Variants in DCTN3 observed in about 807,000 individuals in gnomAD.
The protein encoded by DCTN3 is dynactin 3 (p22).
In DCTN3, 25 loss-of-function variants were observed where a neutral mutation model predicts 28.4. The observed-to-expected ratio is 0.88, with a 90% CI of 0.64 to 1.23. DCTN3 has a LOEUF of 1.23. DCTN3 is among the 50% of genes most tolerant of loss of function. The probability of loss-of-function intolerance (pLI) is 0.00; values close to 1 mark genes in which losing one functional copy is unlikely to be tolerated. For synonymous variants in DCTN3, 81 were observed against 91.4 expected (o/e 0.89, Z 0.65); for missense variants, 229 against 232.0 (o/e 0.99, Z 0.08).
rs111318175 is a variant in DCTN3 at position 34,620,292 on chromosome 9, G to A, written c.96+77C>T. ...GGGCTGCGGAGAACAGGACTGGAGC[G>A]GTTGCATCCCGAGGGCCAGGACAGT... On this transcript the variant is annotated intron_variant, in intron 1 of 6. Transcript: ENST00000259632. 173 of 1,257,224 alleles carry A rather than the reference G, an allele frequency of 1.4e-4. 3 individuals carry two copies. In the African/African-American group the frequency reaches 2.1e-3, roughly 16 times the overall value. 77.9% of individuals were successfully genotyped at this position (1,257,224 alleles called of 1,614,324 possible).
intron 3 of DCTN3, chr9:34,617,493 TGAAA>T (rs1820449041): frequency 2.0e-6 from 1 of 494,594 alleles, no homozygotes; most frequent in African/African-American, 2.0e-5. Flanking sequence ...CTTTCTCACA[TGAAA>T]GAAAGATGTT....
At chr9:34,617,838 GAC>G (rs758005005) in intron 3 of DCTN3, 45 bp downstream of exon 3, 1 of 1,610,454 alleles carries the variant, frequency 6.2e-7, no homozygotes, top group Non-Finnish European at 8.5e-7. Flanking sequence ...TAACCTCCCC[GAC>G]GACCCACATC....
At position 34,618,752 on chromosome 9, in the gene DCTN3, G is replaced by T. The variant is rs945322031; in HGVS notation, c.105C>A (p.Asp35Glu). ...AAGCCACCTGCACCTTGACCAGGCC[G>T]TCAGCCACCTGTAAGGGAAGTGGTG... is the stretch of plus-strand genomic sequence containing the variant. ...GGARGSRKVADGLVKVQVALG... is the reference protein window; with the variant it reads ...GGARGSRKVAEGLVKVQVALG... The change falls in exon 2 of 7, where the codon GAC (aspartate) becomes GAA (glutamate). Residue 35 changes from aspartate to glutamate, a missense_variant. Asp to Glu is a conservative substitution (Grantham distance 45, BLOSUM62 2). Coordinates refer to ENST00000259632, the MANE Select transcript of DCTN3 (RefSeq NM_007234.5). 1.9e-6 allele frequency: 3 copies of T among 1,613,932 alleles called. No homozygotes were observed. Among genetic ancestry groups the T allele is most frequent in the Non-Finnish European group, 2.5e-6 (3 of 1,179,816 alleles).
chr9:34,613,922 A>T (rs777058343), intron 6 of DCTN3, 51 bp from the exon 7 acceptor site: 1 of 1,613,848 alleles, frequency 6.2e-7, no homozygotes, highest in Non-Finnish European at 8.5e-7. Context: ...AAGTTCATGG[A>T]AAGTGGGGAA....
At chr9:34,617,703 AC>A (rs1820453629) in intron 3 of DCTN3, 181 bp downstream of exon 3, 1 of 1,497,506 alleles carries the variant, frequency 6.7e-7, no homozygotes, top group Non-Finnish European at 9.0e-7. Flanking sequence ...GCAGAGGTAT[AC>A]TGTACTCAAT....
At chr9:34,614,161 C>T (rs1489221321) in intron 5 of DCTN3, 60 bp from the exon 6 acceptor site, 1 of 1,613,624 alleles carries the variant, frequency 6.2e-7, no homozygotes. Flanking sequence ...TTCCACTAAA[C>T]TTCCTGCCTC....
intron 4 of DCTN3, 42 bp from the exon 5 acceptor site, chr9:34,614,810 TC>T: frequency 2.5e-6 from 4 of 1,611,222 alleles, no homozygotes; most frequent in Non-Finnish European, 1.7e-6. Flanking sequence ...GCTTGTGCCC[TC>T]CCCCGGGACT....
chr9:34,614,749 G>A lies in DCTN3; in HGVS notation c.372C>T (p.Ala124=). Residue 124 remains alanine (A), a synonymous_variant, in exon 5 of 7, where the codon GCC becomes GCT. Transcript: ENST00000259632. The stretch of plus-strand genomic sequence containing the variant: ...GGATCTGGGCCAAGCGCTGCAGGCG[G>A]GCAGCATGCTCAGGAACGGCTGTAA... ...AHIKAVPEHA[A]RLQRLAQIHI... The A allele has an allele frequency of 6.2e-7, 1 of 1,614,070 alleles. No homozygotes were observed. The highest frequency in any genetic ancestry group is 8.5e-7 in the Non-Finnish European group (1 of 1,180,040).
intron 5 of DCTN3, 68 bp from the exon 6 acceptor site, chr9:34,614,169 C>T: frequency 6.2e-7 from 1 of 1,613,448 alleles, no homozygotes; most frequent in Middle Eastern, 1.7e-4. Flanking sequence ...AACTTCCTGC[C>T]TCATCACGGA....
At chr9:34,615,849 C>G (rs1820413292) in intron 4 of DCTN3, 181 bp downstream of exon 4, 1 of 468,538 alleles carries the variant, frequency 2.1e-6, no homozygotes, top group Admixed American at 4.0e-5. Context: ...TGCAGTGAGT[C>G]AAGATCATGC....
intron 4 of DCTN3, chr9:34,615,809 G>T: frequency 2.6e-6 from 1 of 385,958 alleles, no homozygotes; most frequent in Non-Finnish European, 4.7e-6. Flanking sequence ...AGGCAAGGTG[G>T]GAAGTTTGTT....
In DCTN3 at chr9:34,613,843, T is replaced by G; in HGVS notation, c.500A>C (p.Gln167Pro). ...TTMLLSKQFV[Q>P]WDELLCQLEA... Reference sequence around the variant, plus strand: ...TAGCTGGCAAAGTAGCTCATCCCACTGCACGAATTGCTTGGAGAGAAGCAT... The same window carrying G: ...TAGCTGGCAAAGTAGCTCATCCCACGGCACGAATTGCTTGGAGAGAAGCAT... Residue 167 changes from glutamine (Q) to proline (P), a missense_variant, in exon 7 of 7, where the codon CAG becomes CCG. Transcript: ENST00000259632. 6.2e-7 allele frequency: 1 copy of G among 1,614,184 alleles called. No individual in the cohort carries two copies. The highest frequency in any genetic ancestry group is 8.5e-7 in the Non-Finnish European group (1 of 1,180,016).
intron 5 of DCTN3, 130 bp from the exon 6 acceptor site, chr9:34,614,231 A>G (rs748464749): frequency 6.3e-7 from 1 of 1,580,314 alleles, no homozygotes; most frequent in South Asian, 1.2e-5. Flanking sequence ...CCAAAGCCAA[A>G]GGAGCAAATG....
At position 34,614,103 on chromosome 9, in the gene DCTN3, T is replaced by C. The variant is rs1246291288; in HGVS notation, c.412-2A>G. On this transcript the variant is annotated splice_acceptor_variant, in intron 5 of 6. Coordinates refer to ENST00000259632, the MANE Select transcript of DCTN3 (RefSeq NM_007234.5). LOFTEE classifies it high-confidence loss of function. ...CTCAGTGATTTCCACACACTGGTCC[T>C]GTAGGGCCAAAGTGTAGCACAGAAA... 4.3e-6 allele frequency: 7 copies of C among 1,614,010 alleles called. No homozygotes were observed. Among genetic ancestry groups the C allele is most frequent in the Admixed American group, 1.7e-5 (1 of 59,996 alleles).
In DCTN3 at chr9:34,615,749, T is replaced by C. The variant is rs137987322; in HGVS notation, c.352+281A>G. 433 of 273,218 alleles carry C rather than the reference T, an allele frequency of 1.6e-3. 2 individuals are homozygous for C. Among genetic ancestry groups the C allele is most frequent in the East Asian group, 0.015 (173 of 11,800 alleles). The allele number at this position is 273,218 out of a possible 1,614,324, so 16.9% of individuals were successfully genotyped here. On this transcript the variant is annotated intron_variant, in intron 4 of 6. Transcript: ENST00000259632. ...CAACATGGTGAAACCCCGTCTCTACTAAAAATAGCCAGGTGTGGTGGCACA... is the reference window on the plus strand; with the variant it reads ...CAACATGGTGAAACCCCGTCTCTACCAAAAATAGCCAGGTGTGGTGGCACA...
In DCTN3 at chr9:34,613,811, C is replaced by A. The variant is rs771613938; in HGVS notation, c.532G>T (p.Ala178Ser). Residue 178 changes from alanine to serine, a missense_variant, in exon 7 of 7, where the codon GCC becomes TCC. Physicochemically the swap from Ala to Ser is moderately conservative, Grantham distance 99. Transcript: ENST00000259632. ...WDELLCQLEAATQVKPAEE is the reference protein window; with the variant it reads ...WDELLCQLEASTQVKPAEE ...TCCTCTGCTGGCTTCACTTGCGTGG[C>A]GGCCTCTAGCTGGCAAAGTAGCTCA... The A allele has an allele frequency of 1.5e-5, 24 of 1,613,926 alleles. No homozygotes were observed. Among genetic ancestry groups the A allele is most frequent in the Non-Finnish European group, 2.0e-5 (24 of 1,179,972 alleles).
At chr9:34,613,983 C>A (rs1046127919) in intron 6 of DCTN3, 59 bp downstream of exon 6, 1 of 1,605,966 alleles carries the variant, frequency 6.2e-7, no homozygotes, top group Non-Finnish European at 8.5e-7. Flanking sequence ...AGAGGTGGAA[C>A]AAAAGGACAG....
At position 34,614,743 on chromosome 9, in the gene DCTN3, C is replaced by G. The variant is rs747206066; in HGVS notation, c.378G>C (p.Leu126=). ...IKAVPEHAAR[L]QRLAQIHIQQ... is the part of the protein sequence containing the mutation. ...GAATGTGGATCTGGGCCAAGCGCTG[C>G]AGGCGGGCAGCATGCTCAGGAACGG... Residue 126 remains leucine, a synonymous_variant, in exon 5 of 7, where the codon CTG becomes CTC. Transcript: ENST00000259632. 3 of 1,614,078 alleles carry G rather than the reference C, an allele frequency of 1.9e-6. No individual in the cohort carries two copies. The Admixed American group carries it at 5.0e-5, about 27-fold the overall frequency.
chr9:34,617,837 C>T (rs780302600), intron 3 of DCTN3, 48 bp downstream of exon 3: 132 of 1,609,622 alleles, frequency 8.2e-5, no homozygotes, highest in Middle Eastern at 6.6e-4. Flanking sequence ...TTAACCTCCC[C>T]GACGACCCAC....
Sources: gnomAD v4.1 joint callset for allele counts on GRCh38, gnomAD v4.1.1 for gene constraint, MANE v1.5 for transcripts, NCBI Gene and HGNC (gene_info 2026-07-23, HGNC 2026-07-21) for gene names.